Variants in KCNH7 observed in about 807,000 individuals in gnomAD.
KCNH7 encodes the protein potassium voltage-gated channel subfamily H member 7, also known as voltage-gated inwardly rectifying potassium channel KCNH7.
KCNH7 carries 49 observed loss-of-function variants against 120.8 expected under a neutral mutation model. The observed-to-expected ratio is 0.41, with a 90% CI of 0.32 to 0.51. KCNH7 has a LOEUF of 0.51. Among genes scored for constraint, KCNH7 ranks in the 20% least tolerant of loss-of-function variants. The pLI is 0.38. For synonymous variants in KCNH7, 547 were observed against 516.1 expected, an observed-to-expected ratio of 1.06 and a Z score of -0.81; for missense variants, 1,097 against 1,446.6, an observed-to-expected ratio of 0.76 and a Z score of 3.92.
intron 2 of KCNH7, among the ~76,000 whole-genome samples, chr2:162,595,019 C>T (rs758929432): frequency 6.6e-5 from 10 of 151,922 alleles, no homozygotes; most frequent in Non-Finnish European, 1.2e-4. Context: ...GTGTATTAGC[C>T]CATTCTCACA....
intron 9 of KCNH7, among the ~76,000 whole-genome samples, chr2:162,421,150 A>G (rs1227450836): frequency 6.6e-6 from 1 of 152,120 alleles, no homozygotes; most frequent in Non-Finnish European, 1.5e-5. Context: ...TCAAGCTCTC[A>G]AAACCACATG....
At chr2:162,659,137 C>T (rs948722046) in intron 2 of KCNH7, among the ~76,000 whole-genome samples, 4 of 152,090 alleles carry the variant, frequency 2.6e-5, no homozygotes, top group African/African-American at 9.7e-5. Flanking sequence ...AGGAAGTTAC[C>T]TTCTATTGCT....
intron 2 of KCNH7, among the ~76,000 whole-genome samples, chr2:162,735,629 A>G (rs1687877736): frequency 6.6e-6 from 1 of 152,126 alleles, no homozygotes; most frequent in Non-Finnish European, 1.5e-5. Flanking sequence ...GACAGTTTAG[A>G]CATTTCTGTG....
At chr2:162,771,882 T>C (rs939318870) in intron 2 of KCNH7, 1 of 152,210 alleles carries the variant, frequency 6.6e-6, no homozygotes, top group Non-Finnish European at 1.5e-5. Context: ...GTATTTGCTC[T>C]TAAAAAGAAA....
intron 2 of KCNH7, among the ~76,000 whole-genome samples, chr2:162,807,484 C>A (rs1412065378): frequency 6.6e-6 from 1 of 151,614 alleles, no homozygotes; most frequent in African/African-American, 2.4e-5. Flanking sequence ...AAAATATTTA[C>A]CTCTAGGGCT....
chr2:162,834,676 T>C (rs976240036), intron 2 of KCNH7, among the ~76,000 whole-genome samples: 1 of 152,136 alleles, frequency 6.6e-6, no homozygotes, highest in African/African-American at 2.4e-5. Context: ...ATTAATCATA[T>C]CTGTGATTCT....
intron 2 of KCNH7, among the ~76,000 whole-genome samples, chr2:162,593,357 T>C (rs970550648): frequency 2.0e-5 from 3 of 152,212 alleles, no homozygotes; most frequent in African/African-American, 7.2e-5. Flanking sequence ...TTCTGTATTA[T>C]TGAAAAGTGA....
intron 3 of KCNH7, among the ~76,000 whole-genome samples, chr2:162,531,408 T>C (rs1691920722): frequency 6.6e-6 from 1 of 151,934 alleles, no homozygotes; most frequent in Non-Finnish European, 1.5e-5. Flanking sequence ...GAAAGACAAC[T>C]ATTCCGTGGG....
At chr2:162,657,432 C>T (rs548564111) in intron 2 of KCNH7, among the ~76,000 whole-genome samples, 90 of 152,216 alleles carry the variant, frequency 5.9e-4, no homozygotes, top group Non-Finnish European at 1.1e-3. Flanking sequence ...TTCAAATAGG[C>T]GTTTTCACTT....
chr2:162,719,885 C>T (rs528229889), intron 2 of KCNH7, among the ~76,000 whole-genome samples: 2 of 152,058 alleles, frequency 1.3e-5, no homozygotes, highest in East Asian at 1.9e-4. Context: ...TCCCTGCAAC[C>T]TTATTTAATA....
intron 2 of KCNH7, among the ~76,000 whole-genome samples, chr2:162,591,099 T>G (rs1694200630): frequency 6.6e-6 from 1 of 152,068 alleles, no homozygotes; most frequent in South Asian, 2.1e-4. Flanking sequence ...GCTGTCTCCC[T>G]CTCCACCTGT....
chr2:162,647,901 C>T (rs1684424082), intron 2 of KCNH7, among the ~76,000 whole-genome samples: 1 of 152,052 alleles, frequency 6.6e-6, no homozygotes, highest in Non-Finnish European at 1.5e-5. Flanking sequence ...CCCTAGTTTG[C>T]CTGTGGTGGG....
chr2:162,781,266 T>C (rs1683474218), intron 2 of KCNH7, among the ~76,000 whole-genome samples: 1 of 152,048 alleles, frequency 6.6e-6, no homozygotes, highest in African/African-American at 2.4e-5. Flanking sequence ...CCTCATTTGA[T>C]AGCATCTATT....
chr2:162,774,461 T>C (rs1683164867), intron 2 of KCNH7, among the ~76,000 whole-genome samples: 1 of 152,138 alleles, frequency 6.6e-6, no homozygotes, highest in Non-Finnish European at 1.5e-5. Flanking sequence ...ATCAGAATGG[T>C]AGTATTTGAT....
At position 162,838,662 on chromosome 2, in the gene KCNH7, G is replaced by T. The variant is rs931658280; in HGVS notation, c.-144C>A. ...TGAAACCAGAATTCTCTTCCCATTA[G>T]CACCACTTCTAGACACCCGCTTTCC... On this transcript the variant is annotated 5_prime_UTR_variant, in exon 1 of 16. Transcript: ENST00000332142. The T allele has an allele frequency of 2.7e-5, 17 of 621,638 alleles. No homozygotes were observed. The highest frequency in any genetic ancestry group is 1.9e-5 in the African/African-American group (1 of 53,998). The allele number at this position is 621,638 out of a possible 1,614,324, so 38.5% of individuals were successfully genotyped here. A position where few individuals can be genotyped will look rare whatever the true frequency, so the allele number is the denominator to read the frequency against.
intron 2 of KCNH7, among the ~76,000 whole-genome samples, chr2:162,825,104 C>T (rs984664292): frequency 3.3e-5 from 5 of 151,820 alleles, no homozygotes; most frequent in African/African-American, 1.2e-4. Context: ...ATAGTAAAGA[C>T]TTGGTATCAG....
intron 2 of KCNH7, among the ~76,000 whole-genome samples, chr2:162,703,967 A>T (rs1285269642): frequency 6.6e-6 from 1 of 152,162 alleles, no homozygotes; most frequent in Non-Finnish European, 1.5e-5. Context: ...AGACAGAAGA[A>T]CAATATAAAA....
intron 4 of KCNH7, 123 bp from the exon 5 acceptor site, chr2:162,512,797 C>A: frequency 1.4e-6 from 1 of 726,144 alleles, no homozygotes; most frequent in South Asian, 2.1e-5. Flanking sequence ...GAAAATTTCT[C>A]TTTAATTGAA....
At chr2:162,506,213 T>C (rs1341792380) in intron 5 of KCNH7, among the ~76,000 whole-genome samples, 1 of 151,800 alleles carries the variant, frequency 6.6e-6, no homozygotes, top group Non-Finnish European at 1.5e-5. Flanking sequence ...AGAACCTAAC[T>C]CTCTTTACTA....
Sources: allele counts gnomAD v4.1 joint callset (sites outside exome capture counted in the v4.1 genomes callset), GRCh38; gene constraint gnomAD v4.1.1; transcripts MANE v1.5; gene names NCBI Gene and HGNC (gene_info 2026-07-23, HGNC 2026-07-21).